RNF38: variants seen among roughly 807,000 people sequenced by gnomAD.
RNF38 encodes the protein E3 ubiquitin-protein ligase RNF38.
Under a neutral mutation model 67.2 loss-of-function variants are expected in RNF38, and 15 were observed. The ratio of observed to expected loss-of-function variants is 0.22; its 90% CI spans 0.15 to 0.34. RNF38 has a LOEUF of 0.34. Ranked by LOEUF, RNF38 falls within the 10% of genes least tolerant of loss-of-function variation. The probability of loss-of-function intolerance (pLI) is 1.00; values close to 1 mark genes in which losing one functional copy is unlikely to be tolerated. For missense variants in RNF38, 524 were observed against 639.9 expected (o/e 0.82, Z 1.95); for synonymous variants, 220 against 218.8 (o/e 1.01, Z -0.05).
At chr9:36,396,229 A>C (rs148821413) in intron 1 of RNF38, among the ~76,000 whole-genome samples, 1 of 152,348 alleles carries the variant, frequency 6.6e-6, no homozygotes, top group East Asian at 1.9e-4. Flanking sequence ...TTGTGTAACA[A>C]GTTTCTTAGA....
chr9:36,458,043 G>A (rs964558171), intron 1 of RNF38, among the ~76,000 whole-genome samples: 2 of 152,188 alleles, frequency 1.3e-5, no homozygotes, highest in Non-Finnish European at 2.9e-5. Flanking sequence ...AAGCTGTGGA[G>A]GTAAGGCAGT....
chr9:36,341,873 C>A (rs1825303775), intron 11 of RNF38, among the ~76,000 whole-genome samples: 2 of 46,144 alleles, frequency 4.3e-5, no homozygotes, highest in African/African-American at 6.8e-5. Flanking sequence ...TATAAAGAAG[C>A]CCCTGCAATA....
At chr9:36,478,201 G>A (rs1393071257) in intron 1 of RNF38, among the ~76,000 whole-genome samples, 1 of 151,854 alleles carries the variant, frequency 6.6e-6, no homozygotes, top group Non-Finnish European at 1.5e-5. Context: ...TTGGGAGGCT[G>A]AGACCATTCT....
chr9:36,387,312 TTC>T (rs1836722091), intron 2 of RNF38, among the ~76,000 whole-genome samples: 1 of 152,226 alleles, frequency 6.6e-6, no homozygotes. Context: ...CAGGACCCCT[TTC>T]TGTTAACAAA....
chr9:36,437,133 C>T (rs1013124039), intron 1 of RNF38, among the ~76,000 whole-genome samples: 1 of 152,214 alleles, frequency 6.6e-6, no homozygotes, highest in Admixed American at 6.5e-5. Context: ...CTTTCCTTCA[C>T]GCTTGCTCCT....
At chr9:36,347,056 G>A (rs1001113693) in intron 9 of RNF38, among the ~76,000 whole-genome samples, 1 of 137,128 alleles carries the variant, frequency 7.3e-6, no homozygotes, top group Non-Finnish European at 1.5e-5. Flanking sequence ...GGAGGCAGAG[G>A]TTGCAGTGAG....
intron 1 of RNF38, among the ~76,000 whole-genome samples, chr9:36,443,801 G>A (rs911473210): frequency 5.3e-5 from 8 of 152,186 alleles, no homozygotes; most frequent in Non-Finnish European, 1.2e-4. Flanking sequence ...CAGGGAGAGC[G>A]AGTGGAGAGA....
At chr9:36,423,903 T>C (rs10972894) in intron 2 of RNF38, among the ~76,000 whole-genome samples, 8,831 of 27,890 alleles carry the variant, frequency 0.32, 2,453 homozygotes, top group Admixed American at 0.45. Context: ...GAGCCGAGAT[T>C]GCGCCACTGC....
chr9:36,376,858 G>A (rs1295348858), intron 2 of RNF38, among the ~76,000 whole-genome samples: 1 of 151,240 alleles, frequency 6.6e-6, no homozygotes, highest in South Asian at 2.1e-4. Context: ...CCCAAGAGGC[G>A]GAGGTTGTTG....
chr9:36,486,514 C>A (rs1047986810), intron 1 of RNF38, among the ~76,000 whole-genome samples: 1 of 152,144 alleles, frequency 6.6e-6, no homozygotes, highest in African/African-American at 2.4e-5. Context: ...GAACGAAATT[C>A]GGGCCATTTA....
chr9:36,396,529 C>T (rs1217846199), intron 1 of RNF38, among the ~76,000 whole-genome samples: 1 of 151,914 alleles, frequency 6.6e-6, no homozygotes, highest in African/African-American at 2.4e-5. Flanking sequence ...TTTCTGGGAG[C>T]AGAGTTCTCT....
chr9:36,349,464 T>A (rs185511243), intron 9 of RNF38, among the ~76,000 whole-genome samples: 95 of 152,360 alleles, frequency 6.2e-4, no homozygotes, highest in African/African-American at 2.2e-3. Context: ...CCATTTTTTT[T>A]AAATTGGGTT....
intron 2 of RNF38, among the ~76,000 whole-genome samples, chr9:36,412,760 A>G (rs1838358896): frequency 6.6e-6 from 1 of 152,188 alleles, no homozygotes; most frequent in African/African-American, 2.4e-5. Context: ...ACATGGTGAA[A>G]TCCCATCTCT....
At chr9:36,369,663 C>G (rs575838755) in intron 4 of RNF38, 56 bp downstream of exon 4, 1 of 1,381,170 alleles carries the variant, frequency 7.2e-7, no homozygotes, top group South Asian at 1.6e-5. Flanking sequence ...AAAAAAAAAT[C>G]TCAAACTGCC....
chr9:36,406,013 T>A (rs1323908532), upstream of RNF38, among the ~76,000 whole-genome samples: 3 of 152,188 alleles, frequency 2.0e-5, no homozygotes, highest in African/African-American at 7.2e-5. Flanking sequence ...GACTATGAGG[T>A]TACAGGCTGT....
intron 2 of RNF38, among the ~76,000 whole-genome samples, chr9:36,415,920 T>C (rs1838453032): frequency 6.6e-6 from 1 of 152,044 alleles, no homozygotes; most frequent in South Asian, 2.1e-4. Flanking sequence ...GTTGCTGTAA[T>C]GGCTTCAGTT....
upstream of RNF38, chr9:36,401,147 C>T (rs1332340156): frequency 1.0e-6 from 1 of 985,154 alleles, no homozygotes; most frequent in Non-Finnish European, 1.2e-6. Flanking sequence ...CCTTTTCCCC[C>T]AGGCTCCGCA....
intron 1 of RNF38, among the ~76,000 whole-genome samples, chr9:36,452,060 T>A (rs577446699): frequency 9.9e-5 from 15 of 151,938 alleles, no homozygotes; most frequent in African/African-American, 2.9e-4. Context: ...CTACTAAAAA[T>A]TTTTTTAAAA....
intron 10 of RNF38, among the ~76,000 whole-genome samples, chr9:36,343,710 A>AT (rs1470551516): frequency 6.6e-6 from 1 of 152,224 alleles, no homozygotes; most frequent in Non-Finnish European, 1.5e-5. Flanking sequence ...ATACAATGGA[A>AT]TATTATTTGG....
Sources: allele counts gnomAD v4.1 joint callset (sites outside exome capture counted in the v4.1 genomes callset), GRCh38; gene constraint gnomAD v4.1.1; transcripts MANE v1.5; gene names NCBI Gene and HGNC (gene_info 2026-07-23, HGNC 2026-07-21).